PUDP: variants seen among roughly 807,000 people sequenced by gnomAD.
The protein encoded by PUDP is pseudouridine 5'-phosphatase, also known as pseudouridine-5'-phosphatase.
A neutral mutation model predicts 9.4 loss-of-function variants in PUDP; 8 were observed. The ratio of observed to expected loss-of-function variants is 0.85; its 90% CI spans 0.50 to 1.53. The LOEUF (loss-of-function observed/expected upper bound fraction) is 1.53. Among genes scored for constraint, PUDP ranks in the 40% most tolerant of loss-of-function variants. The pLI, the probability that PUDP is intolerant of heterozygous loss-of-function variation, is 0.00. For synonymous variants in PUDP, 99 were observed against 80.7 expected, an observed-to-expected ratio of 1.23 and a Z score of -1.22; for missense variants, 188 against 189.7, an observed-to-expected ratio of 0.99 and a Z score of 0.05.
intron 3 of PUDP, among the ~76,000 whole-genome samples, chrX:6,817,124 C>T (rs1225524930): frequency 6.5e-5 from 7 of 107,324 alleles, no homozygotes; most frequent in South Asian, 3.9e-4. Context: ...TCTCCCAGGC[C>T]GGAGTGCAGT....
intron 1 of PUDP, among the ~76,000 whole-genome samples, chrX:6,714,438 G>A (rs1349509342): frequency 9.0e-6 from 1 of 111,730 alleles, no homozygotes; most frequent in East Asian, 2.8e-4. Flanking sequence ...GGATACACAT[G>A]TGTGTAAATG....
chrX:6,855,092 G>A (rs1926885298), intron 3 of PUDP, among the ~76,000 whole-genome samples: 1 of 106,760 alleles, frequency 9.4e-6, no homozygotes, highest in South Asian at 4.7e-4. Context: ...GCACCCCTGT[G>A]ACAGCAAGAC....
chrX:6,771,368 T>C (rs1350615586), intron 3 of PUDP, among the ~76,000 whole-genome samples: 1 of 112,322 alleles, frequency 8.9e-6, no homozygotes, highest in Non-Finnish European at 1.9e-5. Context: ...ACCACTGCCC[T>C]TAGGAAGTCT....
chrX:6,952,505 A>G (rs1385387437), intron 3 of PUDP, among the ~76,000 whole-genome samples: 1 of 111,805 alleles, frequency 8.9e-6, no homozygotes, highest in East Asian at 2.8e-4. Flanking sequence ...CACTGTTACA[A>G]TTAGTCACCA....
intron 3 of PUDP, among the ~76,000 whole-genome samples, chrX:7,060,283 A>G (rs1279108155): frequency 8.9e-6 from 1 of 112,296 alleles, no homozygotes; most frequent in East Asian, 2.8e-4. Context: ...TTGCAAAGTC[A>G]GTGTTTCCCA....
chrX:7,089,512 T>A (rs900633002), intron 2 of PUDP, among the ~76,000 whole-genome samples: 6 of 111,769 alleles, frequency 5.4e-5, no homozygotes, highest in Admixed American at 9.5e-5. Context: ...ATGGCTCCAC[T>A]ACTTCACATC....
At chrX:6,964,197 C>A (rs894915916) in intron 3 of PUDP, among the ~76,000 whole-genome samples, 3 of 112,229 alleles carry the variant, frequency 2.7e-5, no homozygotes, top group African/African-American at 9.7e-5. Context: ...GTAGTCAAAA[C>A]CTCTTTCAAT....
intron 3 of PUDP, among the ~76,000 whole-genome samples, chrX:6,798,069 T>C (rs1017786117): frequency 5.4e-4 from 61 of 112,398 alleles, no homozygotes; most frequent in Admixed American, 4.8e-3. Flanking sequence ...GTGTTATGTG[T>C]TCATCTGTTC....
chrX:7,133,245 T>G (rs1263801833), intron 1 of PUDP, among the ~76,000 whole-genome samples: 1 of 111,324 alleles, frequency 9.0e-6, no homozygotes, highest in Non-Finnish European at 1.9e-5. Context: ...CTGGGAAACG[T>G]AGACAGGAAC....
intron 3 of PUDP, among the ~76,000 whole-genome samples, chrX:6,916,243 C>CACAT (rs1927931088): frequency 1.2e-5 from 1 of 83,514 alleles, no homozygotes; most frequent in Non-Finnish European, 2.3e-5. Context: ...CACACACACA[C>CACAT]ACACACCCTG....
intron 2 of PUDP, among the ~76,000 whole-genome samples, chrX:7,087,850 C>A (rs1334108501): frequency 8.9e-6 from 1 of 112,264 alleles, no homozygotes; most frequent in Non-Finnish European, 1.9e-5. Flanking sequence ...CCACAGCTGG[C>A]TGCTTGCTTT....
chrX:7,103,087 A>C (rs1931786225), intron 2 of PUDP, among the ~76,000 whole-genome samples: 1 of 111,851 alleles, frequency 8.9e-6, no homozygotes, highest in Non-Finnish European at 1.9e-5. Context: ...AAATTCATAA[A>C]AAATCTCAAG....
At chrX:6,716,022 T>G in intron 1 of PUDP, among the ~76,000 whole-genome samples, 1 of 111,325 alleles carries the variant, frequency 9.0e-6, no homozygotes, top group South Asian at 3.8e-4. Context: ...ATGTTCTTGA[T>G]TCTATCTAAT....
rs1927710736 is a variant in PUDP at position 6,902,816 on chromosome X, C to T, written c.*247+74317G>A. Among the ~76,000 whole-genome samples the T allele has an allele frequency of 2.7e-5, 3 of 111,410 alleles. No individual in the cohort carries two copies. The Admixed American group carries it at 2.9e-4, about 11-fold the overall frequency. On this transcript the variant is annotated intron_variant and NMD_transcript_variant, in intron 3 of 3. Transcript: ENST00000655425. ...GCTCTCTGGAACTTCTAAGTTAACACATAGTTACAAAAGCTTGCCATGTAG... is the reference window on the plus strand; with the variant it reads ...GCTCTCTGGAACTTCTAAGTTAACATATAGTTACAAAAGCTTGCCATGTAG...
At chrX:6,708,788 C>T (rs927778534) in intron 1 of PUDP, among the ~76,000 whole-genome samples, 1 of 111,672 alleles carries the variant, frequency 9.0e-6, no homozygotes, top group Admixed American at 9.5e-5. Context: ...CCCAGAAATC[C>T]TCGTTTCTCC....
At chrX:6,866,256 G>GT (rs1927083150) in intron 3 of PUDP, among the ~76,000 whole-genome samples, 1 of 100,753 alleles carries the variant, frequency 9.9e-6, no homozygotes, top group East Asian at 4.2e-4. Context: ...TAAAATTTAT[G>GT]GTTTTTTTTT....
chrX:6,904,995 G>A (rs939055031), intron 3 of PUDP, among the ~76,000 whole-genome samples: 3 of 112,065 alleles, frequency 2.7e-5, no homozygotes, highest in Non-Finnish European at 5.6e-5. Flanking sequence ...CATGGTCAAT[G>A]CCTGTCCATC....
intron 3 of PUDP, among the ~76,000 whole-genome samples, chrX:7,057,089 T>G (rs1369771081): frequency 2.7e-5 from 3 of 112,619 alleles, no homozygotes; most frequent in Non-Finnish European, 5.6e-5. Flanking sequence ...TCCAACGATG[T>G]TGAAGCGCAG....
chrX:7,132,647 T>A (rs1397351257), intron 1 of PUDP, among the ~76,000 whole-genome samples: 1 of 111,730 alleles, frequency 9.0e-6, no homozygotes, highest in Non-Finnish European at 1.9e-5. Flanking sequence ...GCACACAAAG[T>A]CTAAGGTCAT....
Sources: gnomAD v4.1 joint callset for allele counts (sites outside exome capture counted in the v4.1 genomes callset) on GRCh38, gnomAD v4.1.1 for gene constraint, MANE v1.5 for transcripts, NCBI Gene and HGNC (gene_info 2026-07-23, HGNC 2026-07-21) for gene names.